Variants in ZSWIM6 observed in about 807,000 individuals in gnomAD.
The protein encoded by ZSWIM6 is zinc finger SWIM-type containing 6, also known as zinc finger SWIM domain-containing protein 6.
In ZSWIM6, 9 loss-of-function variants were observed where a neutral mutation model predicts 113.2. The ratio of observed to expected loss-of-function variants is 0.08; its 90% confidence interval spans 0.05 to 0.14. ZSWIM6 has a LOEUF of 0.14. Among genes scored for constraint, ZSWIM6 ranks in the 10% least tolerant of loss-of-function variants. The pLI, the probability that ZSWIM6 is intolerant of heterozygous loss-of-function variation, is 1.00. For synonymous variants in ZSWIM6, 611 were observed against 606.5 expected, an observed-to-expected ratio of 1.01 and a Z score of -0.11; for missense variants, 1,162 against 1,552.2, an observed-to-expected ratio of 0.75 and a Z score of 4.22.
chr5:61,391,067 T>C (rs1745697440), intron 1 of ZSWIM6: 5 of 738,946 alleles, frequency 6.8e-6, no homozygotes, highest in Non-Finnish European at 1.2e-5. Flanking sequence ...TTCTGCCAAA[T>C]GCATGCCACA....
At chr5:61,524,233 G>T (rs994503538) in intron 5 of ZSWIM6, among the ~76,000 whole-genome samples, 1 of 152,062 alleles carries the variant, frequency 6.6e-6, no homozygotes, top group African/African-American at 2.4e-5. Context: ...TCAGCAAAAA[G>T]CCCCAATAGA....
chr5:61,373,135 T>G (rs1290991450), intron 1 of ZSWIM6, among the ~76,000 whole-genome samples: 1 of 151,974 alleles, frequency 6.6e-6, no homozygotes, highest in Non-Finnish European at 1.5e-5. Flanking sequence ...CCTTATAGAG[T>G]GGGGTCTTAG....
intron 1 of ZSWIM6, among the ~76,000 whole-genome samples, chr5:61,423,582 A>G (rs1428583975): frequency 6.6e-6 from 1 of 152,192 alleles, no homozygotes; most frequent in African/African-American, 2.4e-5. Flanking sequence ...ACTTTTAGTG[A>G]AGATACATGT....
chr5:61,369,726 C>G (rs1286315708), intron 1 of ZSWIM6, among the ~76,000 whole-genome samples: 2 of 152,164 alleles, frequency 1.3e-5, no homozygotes, highest in African/African-American at 2.4e-5. Flanking sequence ...TGTATACTTA[C>G]GTGAGAACCA....
At position 61,494,200 on chromosome 5, in the gene ZSWIM6, T is replaced by G. The variant is rs1262988936; in HGVS notation, c.1183-60T>G. On this transcript the variant is annotated intron_variant, in intron 3 of 13. Coordinates refer to ENST00000252744, the MANE Select transcript of ZSWIM6 (RefSeq NM_020928.2). ...TGGTGGTTTGTCTCTTGTGTTGCTG[T>G]GGGGTTTTGTTGTGTTTTCGTTTTG... 8 of 1,512,560 alleles carry G rather than the reference T, an allele frequency of 5.3e-6. No homozygotes were observed. The Admixed American group carries it at 1.6e-4, about 30-fold the overall frequency. 93.7% of individuals were successfully genotyped at this position (1,512,560 alleles called of 1,614,324 possible).
chr5:61,409,859 A>G (rs1485315714), intron 1 of ZSWIM6, among the ~76,000 whole-genome samples: 2 of 152,220 alleles, frequency 1.3e-5, no homozygotes, highest in African/African-American at 4.8e-5. Context: ...AAACATTGTT[A>G]CTTGATCAGG....
intron 1 of ZSWIM6, among the ~76,000 whole-genome samples, chr5:61,339,462 T>A (rs1744486420): frequency 6.6e-6 from 1 of 152,156 alleles, no homozygotes; most frequent in Non-Finnish European, 1.5e-5. Flanking sequence ...ATGCTTTATA[T>A]TTTTTTGTGT....
intron 1 of ZSWIM6, among the ~76,000 whole-genome samples, chr5:61,351,441 A>G (rs1316781415): frequency 6.6e-6 from 1 of 152,154 alleles, no homozygotes; most frequent in Non-Finnish European, 1.5e-5. Context: ...TCCTTATGTC[A>G]TATGACTGCA....
intron 1 of ZSWIM6, among the ~76,000 whole-genome samples, chr5:61,412,430 A>G (rs1156426883): frequency 1.3e-5 from 2 of 152,036 alleles, no homozygotes; most frequent in African/African-American, 2.4e-5. Context: ...TTCCCTTTCC[A>G]TTTCCTTGCA....
chr5:61,436,412 C>G (rs1746708562), intron 1 of ZSWIM6, among the ~76,000 whole-genome samples: 1 of 151,982 alleles, frequency 6.6e-6, no homozygotes, highest in African/African-American at 2.4e-5. Context: ...TTCTTAAGAT[C>G]TTTGCTAGGT....
At position 61,525,802 on chromosome 5, in the gene ZSWIM6, T is replaced by G. The variant is rs1049726029; in HGVS notation, c.1516T>G (p.Ser506Ala). The change falls in exon 6 of 14, where the codon TCA (serine) becomes GCA (alanine). Residue 506 changes from serine to alanine, a missense_variant and splice_region_variant. This residue lies in a region of ZSWIM6 where 620 missense variants were observed against 804.6 expected (regional missense o/e 0.77). Transcript: ENST00000252744. ...LPQGANANQD[S>A]SNRPHRTVFT... Reference sequence around the variant, plus strand: ...TTTCTGAATTGTGGAAAAAACAGATTCATCGAACAGGCCACATCGGACAGT... The same window carrying G: ...TTTCTGAATTGTGGAAAAAACAGATGCATCGAACAGGCCACATCGGACAGT... The G allele has an allele frequency of 3.9e-6, 6 of 1,551,298 alleles. No homozygotes were observed. In the African/African-American group the frequency reaches 6.8e-5, roughly 18 times the overall value.
At chr5:61,404,199 G>A (rs1746000935) in intron 1 of ZSWIM6, among the ~76,000 whole-genome samples, 1 of 151,884 alleles carries the variant, frequency 6.6e-6, no homozygotes, top group African/African-American at 2.4e-5. Flanking sequence ...GTAGAGATGG[G>A]GTTTCACCGT....
intron 4 of ZSWIM6, among the ~76,000 whole-genome samples, chr5:61,508,617 T>G (rs1214073666): frequency 6.6e-6 from 1 of 152,232 alleles, no homozygotes; most frequent in African/African-American, 2.4e-5. Context: ...GATTCTTTAC[T>G]ACTGTCTCAT....
chr5:61,455,625 G>T (rs1427698829), intron 1 of ZSWIM6, among the ~76,000 whole-genome samples: 1 of 152,196 alleles, frequency 6.6e-6, no homozygotes, highest in Non-Finnish European at 1.5e-5. Context: ...AGAGGGAGCA[G>T]ACGGAGCACT....
chr5:61,391,006 C>T, intron 1 of ZSWIM6: 2 of 753,472 alleles, frequency 2.7e-6, no homozygotes, highest in Non-Finnish European at 4.9e-6. Flanking sequence ...GACAAAGTAT[C>T]CCTGGCTGAT....
In ZSWIM6 at chr5:61,525,895, A is replaced by G. The variant is rs1352809441; in HGVS notation, c.1609A>G (p.Ser537Gly). 6.4e-7 allele frequency: 1 copy of G among 1,552,132 alleles called. No individual in the cohort carries two copies. The highest frequency in any genetic ancestry group is 8.7e-7 in the Non-Finnish European group (1 of 1,147,060). Residue 537 changes from serine to glycine, a missense_variant, in exon 6 of 14, where the codon AGT becomes GGT. Coordinates refer to ENST00000252744, the MANE Select transcript of ZSWIM6 (RefSeq NM_020928.2). ...QDSHLQHIIS[S>G]DLYTNYCYHD... Reference sequence around the variant, plus strand: ...TAGCCACTTGCAGCACATTATCAGCAGTGACCTATACACCAACTACTGTTA... The same window carrying G: ...TAGCCACTTGCAGCACATTATCAGCGGTGACCTATACACCAACTACTGTTA...
At chr5:61,358,516 A>C (rs1266327175) in intron 1 of ZSWIM6, among the ~76,000 whole-genome samples, 3 of 152,226 alleles carry the variant, frequency 2.0e-5, no homozygotes, top group Non-Finnish European at 4.4e-5. Context: ...AAATGGTCCA[A>C]AATAAAATCT....
Position 61,456,479 on chromosome 5 carries a change from T to C in ZSWIM6, c.677-16202T>C, listed in dbSNP as rs146836606. On this transcript the variant is annotated intron_variant, in intron 1 of 13. Transcript: ENST00000252744. ...GGAAAAAAAAAGAAAACAAAAACCT[T>C]ATTCTTAGAGTAACTGCAGATGTCC... Among the ~76,000 whole-genome samples the C allele has an allele frequency of 4.0e-3, 603 of 152,308 alleles. 5 individuals carry two copies. Among genetic ancestry groups the C allele is most frequent in the Non-Finnish European group, 5.5e-3 (376 of 68,016 alleles).
chr5:61,457,300 G>A (rs1235565326), intron 1 of ZSWIM6, among the ~76,000 whole-genome samples: 2 of 152,256 alleles, frequency 1.3e-5, no homozygotes, highest in Non-Finnish European at 2.9e-5. Context: ...TGATGTGTTC[G>A]ATTTATACAT....
Sources: gnomAD v4.1 joint callset for allele counts (sites outside exome capture counted in the v4.1 genomes callset) on GRCh38, gnomAD v4.1.1 for gene constraint, gnomAD v4.1.1 regional missense constraint, MANE v1.5 for transcripts, NCBI Gene and HGNC (gene_info 2026-07-23, HGNC 2026-07-21) for gene names.